The following DPP10 variants were observed in gnomAD, a reference collection of about 807,000 sequenced individuals.
DPP10 encodes the protein dipeptidyl peptidase like 10.
Under a neutral mutation model 120.9 loss-of-function variants are expected in DPP10, and 33 were observed. That is an observed-to-expected ratio of 0.27 (90% CI 0.21 to 0.37). The LOEUF (loss-of-function observed/expected upper bound fraction) is 0.37. Ranked by LOEUF, DPP10 falls within the 10% of genes least tolerant of loss-of-function variation. DPP10 has a pLI of 1.00. For missense variants in DPP10, 816 were observed against 942.8 expected (o/e 0.87, Z 1.76); for synonymous variants, 337 against 326.1 (o/e 1.03, Z -0.36).
intron 5 of DPP10, among the ~76,000 whole-genome samples, chr2:115,566,988 A>G (rs1323113611): frequency 6.6e-6 from 1 of 152,160 alleles, no homozygotes; most frequent in African/African-American, 2.4e-5. Flanking sequence ...CAGCCTTATA[A>G]GAGACGTAAG....
intron 19 of DPP10, among the ~76,000 whole-genome samples, chr2:115,803,844 C>A (rs549052296): frequency 2.6e-5 from 4 of 152,264 alleles, no homozygotes; most frequent in Non-Finnish European, 5.9e-5. Flanking sequence ...CCCGACCTTT[C>A]TCTCTGGCTG....
intron 1 of DPP10, among the ~76,000 whole-genome samples, chr2:114,675,994 T>C (rs561515923): frequency 1.3e-5 from 2 of 152,224 alleles, no homozygotes; most frequent in African/African-American, 4.8e-5. Context: ...GAGACAGGGT[T>C]TCACCATGTT....
intron 1 of DPP10, among the ~76,000 whole-genome samples, chr2:114,866,689 G>A (rs889593847): frequency 1.3e-5 from 2 of 152,206 alleles, no homozygotes; most frequent in African/African-American, 4.8e-5. Context: ...AAAATGCAAT[G>A]CTTGTGCTCT....
At chr2:115,210,360 T>C (rs2056427709) in intron 1 of DPP10, among the ~76,000 whole-genome samples, 1 of 152,206 alleles carries the variant, frequency 6.6e-6, no homozygotes, top group Non-Finnish European at 1.5e-5. Flanking sequence ...TGATCATTTT[T>C]TATGGGTGCA....
At chr2:115,801,890 TTC>T (rs1685287062) in intron 19 of DPP10, among the ~76,000 whole-genome samples, 2 of 152,196 alleles carry the variant, frequency 1.3e-5, no homozygotes, top group South Asian at 4.1e-4. Flanking sequence ...TGGTCTAAAA[TTC>T]TCTTTTTTTG....
intron 3 of DPP10, among the ~76,000 whole-genome samples, chr2:115,401,405 T>G (rs1293166877): frequency 1.3e-5 from 2 of 152,038 alleles, no homozygotes; most frequent in Non-Finnish European, 2.9e-5. Flanking sequence ...CATAGAGAAG[T>G]CTTTCCCTGC....
chr2:115,121,104 TAA>T (rs2049801441), intron 1 of DPP10, among the ~76,000 whole-genome samples: 1 of 152,206 alleles, frequency 6.6e-6, no homozygotes, highest in African/African-American at 2.4e-5. Flanking sequence ...AGGTTGAAGT[TAA>T]AGATTTAGGT....
At chr2:114,838,155 C>T (rs937867746) in intron 1 of DPP10, among the ~76,000 whole-genome samples, 1 of 152,146 alleles carries the variant, frequency 6.6e-6, no homozygotes, top group African/African-American at 2.4e-5. Context: ...ATATCACCTC[C>T]ACTAAATCCA....
At chr2:114,620,689 G>T (rs1230298688) in intron 1 of DPP10, among the ~76,000 whole-genome samples, 1 of 152,002 alleles carries the variant, frequency 6.6e-6, no homozygotes, top group East Asian at 1.9e-4. Context: ...TCAGAGAAAA[G>T]TACTAGGCCA....
intron 2 of DPP10, among the ~76,000 whole-genome samples, chr2:115,332,796 T>G (rs913554763): frequency 2.6e-5 from 4 of 152,032 alleles, no homozygotes; most frequent in South Asian, 2.1e-4. Flanking sequence ...GAGACAGTTT[T>G]TTATAATTTC....
At chr2:115,225,945 T>C (rs1293909052) in intron 1 of DPP10, among the ~76,000 whole-genome samples, 1 of 152,156 alleles carries the variant, frequency 6.6e-6, no homozygotes, top group East Asian at 1.9e-4. Context: ...CCCACTCAGT[T>C]TGGCGCTACC....
intron 5 of DPP10, among the ~76,000 whole-genome samples, chr2:115,629,707 G>T (rs1199213048): frequency 3.3e-5 from 5 of 152,106 alleles, no homozygotes; most frequent in Non-Finnish European, 5.9e-5. Context: ...AAGATCAAAT[G>T]GTTGTAGATG....
intron 1 of DPP10, among the ~76,000 whole-genome samples, chr2:115,195,354 C>T (rs1427754335): frequency 1.3e-5 from 2 of 152,082 alleles, no homozygotes; most frequent in South Asian, 2.1e-4. Context: ...CCCGTAGAGA[C>T]GAATACATGA....
At chr2:115,327,286 A>G (rs543416887) in intron 2 of DPP10, among the ~76,000 whole-genome samples, 1 of 152,138 alleles carries the variant, frequency 6.6e-6, no homozygotes, top group African/African-American at 2.4e-5. Context: ...CTGCACAACC[A>G]TGAAGTTGCC....
At chr2:115,100,242 G>A (rs1362837382) in intron 1 of DPP10, among the ~76,000 whole-genome samples, 1 of 152,074 alleles carries the variant, frequency 6.6e-6, no homozygotes, top group Admixed American at 6.6e-5. Flanking sequence ...ATGAGTTCGA[G>A]GCCAGCCTGG....
chr2:115,529,406 G>A lies in DPP10; in HGVS notation c.441+3434G>A, dbSNP rs558132422. On this transcript the variant is annotated intron_variant, in intron 5 of 25. Transcript: ENST00000410059. ...CTGGATTTGAACTCCTGACCTCAGG[G>A]GATCCACCCGCTTCAGCCTTGCAAG... Among the ~76,000 whole-genome samples the A allele has an allele frequency of 2.9e-4, 44 of 151,672 alleles. No individual in the cohort carries two copies. In the South Asian group the frequency reaches 3.5e-3, roughly 12 times the overall value.
intron 1 of DPP10, among the ~76,000 whole-genome samples, chr2:115,221,533 G>T (rs543006342): frequency 2.5e-4 from 38 of 152,130 alleles, no homozygotes; most frequent in Admixed American, 2.2e-3. Flanking sequence ...TACATGGTCC[G>T]CAAAGCCTAA....
intron 1 of DPP10, among the ~76,000 whole-genome samples, chr2:114,846,167 C>T (rs1245543759): frequency 6.6e-6 from 1 of 151,922 alleles, no homozygotes; most frequent in Non-Finnish European, 1.5e-5. Flanking sequence ...TAAAATTAGT[C>T]CTTATGTTGA....
At chr2:114,551,124 A>G (rs1687850753) in intron 1 of DPP10, among the ~76,000 whole-genome samples, 1 of 152,074 alleles carries the variant, frequency 6.6e-6, no homozygotes, top group African/African-American at 2.4e-5. Context: ...TCATTTCTCC[A>G]TCTGGACTCA....
Sources: gnomAD v4.1 joint callset for allele counts (sites outside exome capture counted in the v4.1 genomes callset) on GRCh38, gnomAD v4.1.1 for gene constraint, MANE v1.5 for transcripts, NCBI Gene and HGNC (gene_info 2026-07-23, HGNC 2026-07-21) for gene names.